ASIC2: variants seen among roughly 807,000 people sequenced by gnomAD.
ASIC2 encodes the protein acid-sensing ion channel 2.
ASIC2 carries 25 observed loss-of-function variants against 57.3 expected under a neutral mutation model. The observed-to-expected ratio is 0.44, with a 90% confidence interval of 0.32 to 0.61. The LOEUF (loss-of-function observed/expected upper bound fraction) is 0.61. Ranked by LOEUF, ASIC2 falls within the 20% of genes least tolerant of loss-of-function variation. The pLI is 0.06. For missense variants in ASIC2, 641 were observed against 738.1 expected, an observed-to-expected ratio of 0.87 and a Z score of 1.52; for synonymous variants, 319 against 307.5, an observed-to-expected ratio of 1.04 and a Z score of -0.39.
chr17:33,459,693 C>T (rs1260778947), intron 1 of ASIC2, among the ~76,000 whole-genome samples: 1 of 152,158 alleles, frequency 6.6e-6, no homozygotes, highest in Non-Finnish European at 1.5e-5. Context: ...TTCGTCAGTG[C>T]AGGGGAGAAT....
chr17:33,151,682 G>A (rs1449287397), intron 1 of ASIC2, among the ~76,000 whole-genome samples: 1 of 152,152 alleles, frequency 6.6e-6, no homozygotes, highest in East Asian at 1.9e-4. Flanking sequence ...AAAAGGATGG[G>A]TTCACCCCAC....
At chr17:33,786,664 G>A (rs766400165) in intron 1 of ASIC2, among the ~76,000 whole-genome samples, 62 of 151,970 alleles carry the variant, frequency 4.1e-4, no homozygotes, top group Admixed American at 8.5e-4. Context: ...CTCACTGTCA[G>A]CAATTCATGA....
chr17:33,684,340 T>A (rs532731869), intron 1 of ASIC2, among the ~76,000 whole-genome samples: 1 of 152,038 alleles, frequency 6.6e-6, no homozygotes, highest in Non-Finnish European at 1.5e-5. Context: ...GGGGTGCTCT[T>A]CAGAGTGGCT....
At chr17:33,084,792 A>G (rs1273633592) in intron 3 of ASIC2, among the ~76,000 whole-genome samples, 1 of 152,118 alleles carries the variant, frequency 6.6e-6, no homozygotes, top group African/African-American at 2.4e-5. Context: ...GGGATTGTGC[A>G]GAGGATTTTA....
At chr17:33,786,786 T>G (rs1397387670) in intron 1 of ASIC2, among the ~76,000 whole-genome samples, 1 of 152,132 alleles carries the variant, frequency 6.6e-6, no homozygotes, top group Non-Finnish European at 1.5e-5. Context: ...CTTATCTCTC[T>G]TGGGTACTAC....
At chr17:34,045,435 C>T (rs568875956) in intron 1 of ASIC2, among the ~76,000 whole-genome samples, 96 of 152,296 alleles carry the variant, frequency 6.3e-4, no homozygotes, top group South Asian at 3.7e-3. Context: ...CTCTCTTCTA[C>T]CTGCTGAGAC....
chr17:33,267,786 G>A (rs1406513373), intron 1 of ASIC2, among the ~76,000 whole-genome samples: 1 of 152,184 alleles, frequency 6.6e-6, no homozygotes, highest in African/African-American at 2.4e-5. Context: ...GAGGGGACGG[G>A]AGAGTGTGGG....
At chr17:33,727,390 G>C (rs566128737) in intron 1 of ASIC2, among the ~76,000 whole-genome samples, 1 of 152,094 alleles carries the variant, frequency 6.6e-6, no homozygotes, top group Non-Finnish European at 1.5e-5. Context: ...TAAATGGTCC[G>C]ATTTTTTTAA....
Position 34,156,319 on chromosome 17 carries a change from G to A in ASIC2, c.214C>T (p.His72Tyr). ...ACCACTTCGTCCACCTTAGTGACAT[G>A]CTGGTAGGAGAAGTAGTAGGACACC... is the stretch of plus-strand genomic sequence containing the variant. The change falls in exon 1 of 10, where the codon CAT (histidine) becomes TAT (tyrosine). Residue 72 changes from histidine (H) to tyrosine (Y), a missense_variant. Transcript: ENST00000359872. The surrounding 1 kb of genome is among the most constrained non-coding windows in gnomAD (Gnocchi z 4.4). 6.2e-7 allele frequency: 1 copy of A among 1,614,226 alleles called. No homozygotes were observed. The highest frequency in any genetic ancestry group is 8.5e-7 in the Non-Finnish European group (1 of 1,180,044).
intron 1 of ASIC2, among the ~76,000 whole-genome samples, chr17:33,631,660 T>G (rs1317251893): frequency 1.3e-5 from 2 of 151,920 alleles, no homozygotes; most frequent in African/African-American, 2.4e-5. Context: ...TTAAAGGCAT[T>G]GGGGGTGGTA....
chr17:33,321,285 G>A (rs1158258571), intron 1 of ASIC2, among the ~76,000 whole-genome samples: 1 of 152,158 alleles, frequency 6.6e-6, no homozygotes, highest in Non-Finnish European at 1.5e-5. Flanking sequence ...AGTTTTTGCT[G>A]CAGAGCTACA....
chr17:34,005,069 G>T (rs1039951305), intron 1 of ASIC2: 1 of 152,144 alleles, frequency 6.6e-6, no homozygotes, highest in Admixed American at 6.5e-5. Context: ...CAGGGGATGA[G>T]GGGTGAGCAC....
At chr17:33,758,906 C>A (rs1421072961) in intron 1 of ASIC2, among the ~76,000 whole-genome samples, 4 of 99,878 alleles carry the variant, frequency 4.0e-5, no homozygotes, top group South Asian at 7.1e-4. Flanking sequence ...CAATAGAAAG[C>A]AAGCTAATAC....
chr17:33,573,918 T>C (rs570908363), intron 1 of ASIC2, among the ~76,000 whole-genome samples: 4 of 152,206 alleles, frequency 2.6e-5, no homozygotes, highest in Non-Finnish European at 5.9e-5. Flanking sequence ...GAATCCACTG[T>C]AACTTTTTCT....
chr17:34,046,540 G>A (rs1236119140), intron 1 of ASIC2, among the ~76,000 whole-genome samples: 2 of 152,220 alleles, frequency 1.3e-5, no homozygotes, highest in Non-Finnish European at 2.9e-5. Context: ...AGGACTGGAA[G>A]CCAGCTTGGT....
chr17:33,810,635 C>A (rs1261825830), intron 1 of ASIC2, among the ~76,000 whole-genome samples: 1 of 152,142 alleles, frequency 6.6e-6, no homozygotes, highest in Non-Finnish European at 1.5e-5. Flanking sequence ...AATAGGGGAA[C>A]TCAGCCACAG....
chr17:33,871,579 C>T (rs915946425), intron 1 of ASIC2, among the ~76,000 whole-genome samples: 19 of 152,098 alleles, frequency 1.2e-4, no homozygotes, highest in Non-Finnish European at 2.5e-4. Flanking sequence ...TTGTCTTGCT[C>T]AGGATCTGGA....
At chr17:33,933,864 T>G (rs1916000002) in intron 1 of ASIC2, among the ~76,000 whole-genome samples, 1 of 152,216 alleles carries the variant, frequency 6.6e-6, no homozygotes, top group Admixed American at 6.5e-5. Context: ...GAAACAGGCC[T>G]TAGAGCCTCA....
chr17:33,213,305 G>GC (rs1417448493), intron 1 of ASIC2, among the ~76,000 whole-genome samples: 1 of 152,206 alleles, frequency 6.6e-6, no homozygotes, highest in Non-Finnish European at 1.5e-5. Flanking sequence ...CCAGAAACAA[G>GC]CCCTGGTGGT....
Sources: allele counts gnomAD v4.1 joint callset (sites outside exome capture counted in the v4.1 genomes callset), GRCh38; gene constraint gnomAD v4.1.1; non-coding constraint Gnocchi (gnomAD v3.1); transcripts MANE v1.5; gene names NCBI Gene and HGNC (gene_info 2026-07-23, HGNC 2026-07-21).